Variants in TTC39C observed in about 807,000 individuals in gnomAD.
TTC39C encodes tetratricopeptide repeat protein 39C.
Under a neutral mutation model 76.3 loss-of-function variants are expected in TTC39C, and 33 were observed. That is an observed-to-expected ratio of 0.43 (90% CI 0.33 to 0.58). The LOEUF is 0.58. Ranked by LOEUF, TTC39C falls within the 20% of genes least tolerant of loss-of-function variation. The probability of loss-of-function intolerance (pLI) is 0.04; values close to 1 mark genes in which losing one functional copy is unlikely to be tolerated. For missense variants in TTC39C, 595 were observed against 701.4 expected (o/e 0.85, Z 1.71); for synonymous variants, 254 against 260.6 (o/e 0.97, Z 0.24).
chr18:24,032,576 G>A (rs1168637854), intron 1 of TTC39C, among the ~76,000 whole-genome samples: 1 of 152,376 alleles, frequency 6.6e-6, no homozygotes, highest in East Asian at 1.9e-4. Context: ...CATAGAGCTT[G>A]AAGGTAATTT....
Position 24,091,925 on chromosome 18 carries a change from T to TA in TTC39C, c.984+8853dup, listed in dbSNP as rs546936685. 2.5e-3 allele frequency among the ~76,000 whole-genome samples: 375 copies of TA among 148,668 alleles called. 2 individuals carry two copies. The highest frequency in any genetic ancestry group is 0.011 in the South Asian group (51 of 4,658). On this transcript the variant is annotated intron_variant, in intron 6 of 13. Transcript: ENST00000317571. ...TAACATGATGAAACCCTGTCTCTAC[T>TA]AAAAAAAAATGCAAAAAATTAGCCA... is the stretch of plus-strand genomic sequence containing the variant.
intron 10 of TTC39C, among the ~76,000 whole-genome samples, chr18:24,127,749 C>T (rs2085068686): frequency 6.6e-6 from 1 of 152,186 alleles, no homozygotes; most frequent in African/African-American, 2.4e-5. Flanking sequence ...CTCCTGGGCT[C>T]AAGTGATCCT....
intron 4 of TTC39C, among the ~76,000 whole-genome samples, chr18:24,075,066 C>T (rs1013317914): frequency 1.3e-5 from 2 of 151,884 alleles, no homozygotes; most frequent in Non-Finnish European, 2.9e-5. Flanking sequence ...AAACTAAACA[C>T]GCATGTTCTC....
intron 5 of TTC39C, among the ~76,000 whole-genome samples, chr18:24,082,482 A>T (rs751007011): frequency 2.6e-5 from 4 of 152,240 alleles, no homozygotes; most frequent in Non-Finnish European, 5.9e-5. Flanking sequence ...TGAACGCAAG[A>T]GAAAACAACA....
chr18:23,993,164 G>A (rs1267633557), intron 1 of TTC39C: 1 of 152,178 alleles, frequency 6.6e-6, no homozygotes. Flanking sequence ...AACGCAAATT[G>A]AAGCTGTGAT....
At chr18:24,129,958 C>T (rs1237713608) in intron 11 of TTC39C, among the ~76,000 whole-genome samples, 2 of 151,996 alleles carry the variant, frequency 1.3e-5, no homozygotes, top group Non-Finnish European at 2.9e-5. Flanking sequence ...AGACGCATGT[C>T]GAGATCATAG....
chr18:24,043,873 T>C (rs2083827928), intron 1 of TTC39C, among the ~76,000 whole-genome samples: 1 of 152,256 alleles, frequency 6.6e-6, no homozygotes, highest in Non-Finnish European at 1.5e-5. Flanking sequence ...CAAGTAGTTT[T>C]GCATCTGCAA....
chr18:23,996,434 G>C (rs1328443835), intron 1 of TTC39C, among the ~76,000 whole-genome samples: 1 of 152,196 alleles, frequency 6.6e-6, no homozygotes, highest in East Asian at 1.9e-4. Context: ...GTGGGCACTG[G>C]CTAATTAAAC....
At chr18:24,015,305 T>G in intron 1 of TTC39C, 1 of 332,378 alleles carries the variant, frequency 3.0e-6, no homozygotes, top group Non-Finnish European at 5.5e-6. Context: ...CCCTCTCACT[T>G]TCTCCCAGCC....
intron 6 of TTC39C, among the ~76,000 whole-genome samples, chr18:24,101,582 G>A (rs952764217): frequency 2.3e-4 from 35 of 151,846 alleles, no homozygotes; most frequent in Non-Finnish European, 4.1e-4. Context: ...CATCCACATA[G>A]CAGCTTGCCC....
intron 7 of TTC39C, among the ~76,000 whole-genome samples, chr18:24,117,733 G>A (rs1014725819): frequency 6.6e-6 from 1 of 151,706 alleles, no homozygotes; most frequent in African/African-American, 2.4e-5. Context: ...AAAAGAATGA[G>A]TGGTAGTCAC....
At chr18:24,005,648 C>T (rs1011905615) in intron 1 of TTC39C, among the ~76,000 whole-genome samples, 3 of 150,846 alleles carry the variant, frequency 2.0e-5, no homozygotes, top group African/African-American at 7.3e-5. Flanking sequence ...GAGTTTAAGA[C>T]CAGCCTGGGC....
chr18:24,038,591 A>G (rs1350069193), intron 1 of TTC39C, among the ~76,000 whole-genome samples: 1 of 152,168 alleles, frequency 6.6e-6, no homozygotes, highest in African/African-American at 2.4e-5. Flanking sequence ...CCCACACAGC[A>G]TATAATTTAA....
intron 8 of TTC39C, among the ~76,000 whole-genome samples, chr18:24,122,106 C>T (rs1180721518): frequency 6.6e-6 from 1 of 152,158 alleles, no homozygotes; most frequent in Non-Finnish European, 1.5e-5. Flanking sequence ...AATTCTTGGA[C>T]CCTTGGGCTC....
At chr18:24,049,551 G>C (rs1050028061) in intron 1 of TTC39C, among the ~76,000 whole-genome samples, 1 of 152,180 alleles carries the variant, frequency 6.6e-6, no homozygotes, top group Non-Finnish European at 1.5e-5. Flanking sequence ...TAGGCACTGT[G>C]CGGGTGTGAG....
chr18:24,028,977 C>G (rs543256081), intron 1 of TTC39C, among the ~76,000 whole-genome samples: 26 of 152,296 alleles, frequency 1.7e-4, no homozygotes, highest in African/African-American at 6.0e-4. Context: ...CCCATCTCAG[C>G]CTCCCAAAGT....
At chr18:24,015,331 CGTGCCCGGTGCCGG>C in intron 1 of TTC39C, 1 of 281,868 alleles carries the variant, frequency 3.5e-6, no homozygotes, top group South Asian at 1.1e-4. Flanking sequence ...CTCCCACAGA[CGTGCCCGGTGCCGG>C]TAGGCTCCTC....
intron 6 of TTC39C, among the ~76,000 whole-genome samples, chr18:24,104,653 C>G (rs1436333168): frequency 1.3e-5 from 2 of 151,280 alleles, no homozygotes; most frequent in African/African-American, 4.9e-5. Context: ...TCTCAAATGC[C>G]TAGACCAGTG....
Position 24,133,676 on chromosome 18 carries a change from TA to T in TTC39C, c.*1103del, listed in dbSNP as rs1477275882. ...AGATATTATACAAGGAATTCAAAGT[TA>T]TTTTTTTATTCTTCATTGCTAATTT... On this transcript the variant is annotated 3_prime_UTR_variant, in exon 14 of 14. Coordinates refer to ENST00000317571, the MANE Select transcript of TTC39C (RefSeq NM_001135993.2). The T allele has an allele frequency of 4.6e-5, 7 of 152,218 alleles. No individual in the cohort carries two copies. Among genetic ancestry groups the T allele is most frequent in the South Asian group, 2.1e-4 (1 of 4,834 alleles). 9.4% of individuals were successfully genotyped at this position (152,218 alleles called of 1,614,324 possible). A position where few individuals can be genotyped will look rare whatever the true frequency, so the allele number is the denominator to read the frequency against.
Sources: gnomAD v4.1 joint callset for allele counts (sites outside exome capture counted in the v4.1 genomes callset) on GRCh38, gnomAD v4.1.1 for gene constraint, MANE v1.5 for transcripts, NCBI Gene and HGNC (gene_info 2026-07-23, HGNC 2026-07-21) for gene names.